ITGA9: variants seen among roughly 807,000 people sequenced by gnomAD.
ITGA9 encodes integrin subunit alpha 9, also known as integrin alpha-9.
In ITGA9, 56 loss-of-function variants were observed where a neutral mutation model predicts 127.8. The observed-to-expected ratio is 0.44, with a 90% CI of 0.35 to 0.55. ITGA9 has a LOEUF of 0.55. ITGA9 is among the 20% of genes least tolerant of loss of function. The probability of loss-of-function intolerance (pLI) is 0.00; values close to 1 mark genes in which losing one functional copy is unlikely to be tolerated. For missense variants in ITGA9, 1,196 were observed against 1,347.1 expected (o/e 0.89, Z 1.76); for synonymous variants, 508 against 514.5 (o/e 0.99, Z 0.17).
intron 14 of ITGA9, among the ~76,000 whole-genome samples, chr3:37,534,436 C>G (rs966760813): frequency 3.5e-4 from 53 of 152,210 alleles, no homozygotes; most frequent in Non-Finnish European, 1.0e-4. Flanking sequence ...TCACAAGAGC[C>G]CCACAAGATT....
intron 25 of ITGA9, among the ~76,000 whole-genome samples, chr3:37,783,497 T>C (rs1697002991): frequency 6.6e-6 from 1 of 152,004 alleles, no homozygotes; most frequent in Non-Finnish European, 1.5e-5. Context: ...CATGCTACCA[T>C]GACAGGTGAA....
intron 15 of ITGA9, among the ~76,000 whole-genome samples, chr3:37,553,655 G>T (rs937629642): frequency 6.6e-6 from 1 of 152,198 alleles, no homozygotes; most frequent in African/African-American, 2.4e-5. Context: ...ATTGAGAGAG[G>T]TGATTATGAA....
intron 18 of ITGA9, among the ~76,000 whole-genome samples, chr3:37,716,228 G>A (rs1701133662): frequency 6.6e-6 from 1 of 152,140 alleles, no homozygotes; most frequent in Admixed American, 6.5e-5. Flanking sequence ...GGTGGCATCT[G>A]GGGGGTCAAT....
At chr3:37,614,407 C>T (rs1403340724) in intron 15 of ITGA9, among the ~76,000 whole-genome samples, 6 of 152,116 alleles carry the variant, frequency 3.9e-5, no homozygotes, top group East Asian at 1.9e-4. Flanking sequence ...GTGATGCCTC[C>T]GGTTTTGTTC....
intron 15 of ITGA9, among the ~76,000 whole-genome samples, chr3:37,604,618 G>T (rs1282581215): frequency 6.6e-6 from 1 of 152,160 alleles, no homozygotes; most frequent in African/African-American, 2.4e-5. Context: ...TAGAAATCAC[G>T]TGCTTAGTCT....
chr3:37,821,089 A>T lies in ITGA9; in HGVS notation c.*2100A>T, dbSNP rs946707442. 3 of 152,178 alleles carry T rather than the reference A, an allele frequency of 2.0e-5. No individual in the cohort carries two copies. Among genetic ancestry groups the T allele is most frequent in the Admixed American group, 2.0e-4 (3 of 15,280 alleles). 9.4% of individuals were successfully genotyped at this position (152,178 alleles called of 1,614,324 possible). On this transcript the variant is annotated 3_prime_UTR_variant, in exon 28 of 28. Transcript: ENST00000264741. Reference sequence around the variant, plus strand: ...GCAGGGAGATTACAGATGTAACCTCATGCTTCTCTTCCTGGTGAACATGGG... The same window carrying T: ...GCAGGGAGATTACAGATGTAACCTCTTGCTTCTCTTCCTGGTGAACATGGG...
chr3:37,532,288 T>C (rs1453289674), intron 13 of ITGA9, among the ~76,000 whole-genome samples: 1 of 152,226 alleles, frequency 6.6e-6, no homozygotes, highest in Non-Finnish European at 1.5e-5. Flanking sequence ...CTCGTGTCTC[T>C]TCACTTCCTT....
chr3:37,518,870 C>T lies in ITGA9; in HGVS notation c.1142-390C>T, dbSNP rs1011614865. Among the ~76,000 whole-genome samples the T allele has an allele frequency of 6.7e-5, 10 of 148,880 alleles. No individual in the cohort carries two copies. The South Asian group carries it at 8.5e-4, about 13-fold the overall frequency. On this transcript the variant is annotated intron_variant, in intron 10 of 27. Coordinates refer to ENST00000264741, the MANE Select transcript of ITGA9 (RefSeq NM_002207.3). ...CACAATCTCAGCTCACTGCAACCTC[C>T]GCTTCCCGGGTTCAAGTGATTCTCT...
chr3:37,568,491 G>A (rs543434433), intron 15 of ITGA9, among the ~76,000 whole-genome samples: 6 of 152,294 alleles, frequency 3.9e-5, no homozygotes, highest in African/African-American at 1.4e-4. Context: ...TCAGAAAATG[G>A]ATTTTTCTTT....
chr3:37,774,984 T>G (rs562272229), intron 23 of ITGA9, among the ~76,000 whole-genome samples: 67 of 141,842 alleles, frequency 4.7e-4, no homozygotes, highest in African/African-American at 1.9e-3. Flanking sequence ...AGATTAGCAT[T>G]GTTAGCTTTA....
At chr3:37,481,317 A>AGT (rs1559516949) in intron 3 of ITGA9, among the ~76,000 whole-genome samples, 167 bp from the exon 4 acceptor site, 4 of 152,084 alleles carry the variant, frequency 2.6e-5, no homozygotes, top group Non-Finnish European at 5.9e-5. Flanking sequence ...GTTCCTGTTC[A>AGT]TGCAGTTTTC....
At chr3:37,699,518 G>C (rs760475310) in intron 18 of ITGA9, among the ~76,000 whole-genome samples, 1 of 152,096 alleles carries the variant, frequency 6.6e-6, no homozygotes, top group Non-Finnish European at 1.5e-5. Flanking sequence ...GTTCCATCTT[G>C]GTCCAAGTCA....
rs1318792200 is a variant in ITGA9, at chr3:37,683,937, C to T, written c.1989C>T (p.Asn663=). ...KNISLNISIS[N]LGDDAYDANV... ...TCTCCCTAAACATCTCTATCTCCAACCTCGGAGATGATGCCTATGATGCCA... is the reference window on the plus strand; with the variant it reads ...TCTCCCTAAACATCTCTATCTCCAATCTCGGAGATGATGCCTATGATGCCA... Residue 663 remains asparagine, a synonymous_variant, in exon 18 of 28, where the codon AAC becomes AAT. Transcript: ENST00000264741. The T allele has an allele frequency of 8.7e-6, 14 of 1,613,010 alleles. No individual in the cohort carries two copies. The highest frequency in any genetic ancestry group is 1.1e-5 in the Non-Finnish European group (13 of 1,179,084).
intron 26 of ITGA9, among the ~76,000 whole-genome samples, chr3:37,800,390 G>A (rs1697223460): frequency 6.6e-6 from 1 of 152,208 alleles, no homozygotes; most frequent in Non-Finnish European, 1.5e-5. Flanking sequence ...ATTTCACAGA[G>A]GAAGAGAAAG....
chr3:37,770,314 C>T (rs570053788), intron 23 of ITGA9, among the ~76,000 whole-genome samples: 26 of 152,228 alleles, frequency 1.7e-4, no homozygotes, highest in African/African-American at 6.0e-4. Context: ...GGACCATAAG[C>T]GATTTCCCAG....
intron 15 of ITGA9, among the ~76,000 whole-genome samples, chr3:37,572,531 A>G (rs914855154): frequency 6.6e-6 from 1 of 152,218 alleles, no homozygotes; most frequent in Non-Finnish European, 1.5e-5. Context: ...CAACTTATTT[A>G]GTAGGATTGC....
At chr3:37,536,075 C>T (rs1456992887) in intron 14 of ITGA9, among the ~76,000 whole-genome samples, 1 of 152,170 alleles carries the variant, frequency 6.6e-6, no homozygotes, top group Non-Finnish European at 1.5e-5. Flanking sequence ...CTTGGCTCTG[C>T]ACAGTTTGGA....
chr3:37,728,584 C>T (rs981532680), intron 18 of ITGA9, among the ~76,000 whole-genome samples: 1 of 152,082 alleles, frequency 6.6e-6, no homozygotes, highest in African/African-American at 2.4e-5. Flanking sequence ...GAAGTGCTCC[C>T]CTAATGGGGG....
intron 18 of ITGA9, among the ~76,000 whole-genome samples, chr3:37,723,651 T>C (rs999896472): frequency 1.3e-5 from 2 of 152,220 alleles, no homozygotes; most frequent in African/African-American, 4.8e-5. Flanking sequence ...CATGAGACAC[T>C]GTGCCCTGCC....
Sources: gnomAD v4.1 joint callset for allele counts (sites outside exome capture counted in the v4.1 genomes callset) on GRCh38, gnomAD v4.1.1 for gene constraint, MANE v1.5 for transcripts, NCBI Gene and HGNC (gene_info 2026-07-23, HGNC 2026-07-21) for gene names.